TJP1: variants seen among roughly 807,000 people sequenced by gnomAD.
TJP1 encodes the protein tight junction protein ZO-1.
TJP1 carries 43 observed loss-of-function variants against 194.2 expected under a neutral mutation model. The ratio of observed to expected loss-of-function variants is 0.22; its 90% CI spans 0.17 to 0.29. The LOEUF is 0.29. TJP1 is among the 10% of genes least tolerant of loss of function. TJP1 has a pLI of 1.00. For synonymous variants in TJP1, 801 were observed against 779.0 expected, an observed-to-expected ratio of 1.03 and a Z score of -0.47; for missense variants, 1,971 against 2,185.7, an observed-to-expected ratio of 0.90 and a Z score of 1.96.
rs77899942 is a variant in TJP1, at chr15:29,755,803, G to A, written c.1010+5336C>T. ...GGGAATGAGTGTAACAAATGTAAAT[G>A]GGTAGAATGCCAAATGTAAATCTTG... On this transcript the variant is annotated intron_variant, in intron 8 of 27. Coordinates refer to ENST00000614355, the MANE Select transcript of TJP1 (RefSeq NM_001330239.4). 4.0e-3 allele frequency among the ~76,000 whole-genome samples: 603 copies of A among 152,238 alleles called. 14 individuals are homozygous for A. The East Asian group carries it at 0.075, about 19-fold the overall frequency.
chr15:29,863,028 C>G (rs1019404623), intron 2 of TJP1, among the ~76,000 whole-genome samples: 1 of 151,236 alleles, frequency 6.6e-6, no homozygotes, highest in African/African-American at 2.4e-5. Context: ...GGCACGGTGG[C>G]TCATGCCTAT....
At chr15:29,966,339 C>A (rs2152327448) in intron 1 of TJP1, among the ~76,000 whole-genome samples, 1 of 152,080 alleles carries the variant, frequency 6.6e-6, no homozygotes, top group Admixed American at 6.5e-5. Context: ...CCCATCTGTA[C>A]TAAAAATACA....
At chr15:29,732,348 T>C in intron 15 of TJP1, 85 bp downstream of exon 15, 2 of 1,216,158 alleles carry the variant, frequency 1.6e-6, no homozygotes, top group East Asian at 2.3e-5. Flanking sequence ...AAAAGTCTTA[T>C]TTTTATTGAA....
At chr15:29,866,740 A>G (rs565977915) in intron 2 of TJP1, among the ~76,000 whole-genome samples, 44 of 152,374 alleles carry the variant, frequency 2.9e-4, no homozygotes, top group African/African-American at 1.1e-3. Context: ...TGTCTTTCAC[A>G]ACAACAAATT....
At chr15:29,761,001 T>C (rs2045966676) in intron 8 of TJP1, 138 bp downstream of exon 8, 1 of 1,123,064 alleles carries the variant, frequency 8.9e-7, no homozygotes, top group African/African-American at 1.6e-5. Context: ...ATTTAAAAAA[T>C]GTCTAAGTTG....
At chr15:29,820,384 TA>T (rs1027641009) in intron 1 of TJP1, 24 of 617,284 alleles carry the variant, frequency 3.9e-5, no homozygotes, top group Middle Eastern at 4.3e-4. Context: ...TACAGCATCT[TA>T]AAAAAAAGCT....
intron 2 of TJP1, among the ~76,000 whole-genome samples, chr15:29,841,714 C>T (rs1049500430): frequency 6.6e-6 from 1 of 152,002 alleles, no homozygotes; most frequent in African/African-American, 2.4e-5. Flanking sequence ...TTCCTTCCTC[C>T]TCCTCCCTCC....
chr15:29,949,931 ACCACCAC>A (rs2055599095), intron 2 of TJP1, among the ~76,000 whole-genome samples: 1 of 47,440 alleles, frequency 2.1e-5, no homozygotes, highest in African/African-American at 2.0e-4. Context: ...CTTCACCACC[ACCACCAC>A]CTCCACAACC....
rs190946476 is a variant in TJP1, at chr15:29,907,301, C to T, written c.306+48931G>A. ...GCGGGCGCCTGTAGCCCCAGCTACTCGGGAAGCTGAGGCAGGAGAATGGAG... is the reference window on the plus strand; with the variant it reads ...GCGGGCGCCTGTAGCCCCAGCTACTTGGGAAGCTGAGGCAGGAGAATGGAG... On this transcript the variant is annotated intron_variant, in intron 2 of 28. Transcript: ENST00000356107. 2.6e-5 allele frequency among the ~76,000 whole-genome samples: 4 copies of T among 151,896 alleles called. No homozygotes were observed. In the South Asian group the frequency reaches 6.3e-4, roughly 24 times the overall value.
At chr15:29,942,915 T>C (rs925813128) in intron 2 of TJP1, among the ~76,000 whole-genome samples, 2 of 152,232 alleles carry the variant, frequency 1.3e-5, no homozygotes, top group African/African-American at 4.8e-5. Flanking sequence ...GAATACTCTC[T>C]GTATTTTGGT....
rs141799046 is a variant in TJP1, at chr15:29,751,703, T to C, written c.1011-8922A>G. On this transcript the variant is annotated intron_variant, in intron 8 of 27. Transcript: ENST00000614355. ...TGTGCAGTTTATTTGGTAGATTTTA[T>C]AGTGGGAGACCAATGTCACAAATCT... 3.5e-3 allele frequency among the ~76,000 whole-genome samples: 526 copies of C among 152,340 alleles called. 6 individuals carry two copies. Among genetic ancestry groups the C allele is most frequent in the Non-Finnish European group, 2.6e-3 (174 of 68,026 alleles).
chr15:29,781,197 C>A (rs1371697772), intron 2 of TJP1, among the ~76,000 whole-genome samples: 3 of 152,144 alleles, frequency 2.0e-5, no homozygotes, highest in African/African-American at 7.2e-5. Context: ...ATGAACACAG[C>A]CATGCACACA....
chr15:29,955,740 G>A (rs2055909250), intron 2 of TJP1, among the ~76,000 whole-genome samples: 1 of 98,640 alleles, frequency 1.0e-5, no homozygotes, highest in South Asian at 3.6e-4. Context: ...AACAGAAGGA[G>A]ACCCTGGCTC....
In TJP1 at chr15:29,939,696, G is replaced by T. The variant is rs10467903; in HGVS notation, c.306+16536C>A. Among the ~76,000 whole-genome samples the T allele has an allele frequency of 2.9e-3, 442 of 152,312 alleles. 6 individuals carry two copies. Among genetic ancestry groups the T allele is most frequent in the African/African-American group, 0.01 (422 of 41,570 alleles). ...CACAAAAGTGATGGTATTAGGAGGT[G>T]GGGCCTTTGGGAGGTGATTAGGTGC... On this transcript the variant is annotated intron_variant, in intron 2 of 28. Transcript: ENST00000356107.
chr15:29,904,586 C>T (rs1402534274), intron 2 of TJP1, among the ~76,000 whole-genome samples: 2 of 151,270 alleles, frequency 1.3e-5, no homozygotes, highest in Admixed American at 6.6e-5. Context: ...ATGTGCAAAT[C>T]ACCACATCAA....
intron 2 of TJP1, among the ~76,000 whole-genome samples, chr15:29,774,923 C>T (rs74971194): frequency 0.013 from 1,926 of 152,266 alleles, 44 homozygotes; most frequent in African/African-American, 0.045. Context: ...CCCTTATCCT[C>T]GGTTTCATGT....
At chr15:29,959,964 T>C (rs2056094639) in intron 1 of TJP1, among the ~76,000 whole-genome samples, 1 of 152,170 alleles carries the variant, frequency 6.6e-6, no homozygotes, top group Non-Finnish European at 1.5e-5. Flanking sequence ...AGAGGACATA[T>C]GGGAAAGAAA....
intron 2 of TJP1, among the ~76,000 whole-genome samples, chr15:29,940,882 A>C (rs2055049207): frequency 6.6e-6 from 1 of 151,570 alleles, no homozygotes; most frequent in African/African-American, 2.4e-5. Context: ...AGTGACCCCC[A>C]CCCTCGCCCC....
intron 2 of TJP1, among the ~76,000 whole-genome samples, chr15:29,778,138 G>A (rs2047133865): frequency 1.3e-5 from 2 of 152,074 alleles, no homozygotes; most frequent in African/African-American, 4.8e-5. Context: ...TGCAGTTCCG[G>A]CACCTAGTAG....
Sources: gnomAD v4.1 joint callset for allele counts (sites outside exome capture counted in the v4.1 genomes callset) on GRCh38, gnomAD v4.1.1 for gene constraint, MANE v1.5 for transcripts, NCBI Gene and HGNC (gene_info 2026-07-23, HGNC 2026-07-21) for gene names.